The following NBEAL1 variants were observed in gnomAD, a reference collection of about 807,000 sequenced individuals.
NBEAL1 encodes neurobeachin-like protein 1.
A neutral mutation model predicts 351.3 loss-of-function variants in NBEAL1; 273 were observed. The observed-to-expected ratio is 0.78, with a 90% CI of 0.70 to 0.86. NBEAL1 has a LOEUF of 0.86. Ranked by LOEUF, NBEAL1 falls within the 40% of genes least tolerant of loss-of-function variation. NBEAL1 has a pLI of 0.00. For missense variants in NBEAL1, 2,961 were observed against 3,201.3 expected (o/e 0.92, Z 1.81); for synonymous variants, 1,050 against 1,086.4 (o/e 0.97, Z 0.66).
At chr2:203,024,120 C>T (rs1238081907) in intron 2 of NBEAL1, among the ~76,000 whole-genome samples, 1 of 150,282 alleles carries the variant, frequency 6.7e-6, no homozygotes, top group Non-Finnish European at 1.5e-5. Context: ...TGCTTGAGCT[C>T]GGGAGTTTCA....
rs2065371969 is a variant in NBEAL1, at chr2:203,200,648, T to C, written c.7239-895T>C. 2.0e-5 allele frequency among the ~76,000 whole-genome samples: 3 copies of C among 148,928 alleles called. No individual in the cohort carries two copies. The South Asian group carries it at 6.5e-4, about 32-fold the overall frequency. Reference sequence around the variant, plus strand: ...GACAGAGGTTGCAGTGAGCCGAGATTGCGCCACTGCACTTCAGCCTGGACG... The same window carrying C: ...GACAGAGGTTGCAGTGAGCCGAGATCGCGCCACTGCACTTCAGCCTGGACG... On this transcript the variant is annotated intron_variant, in intron 49 of 55. Transcript: ENST00000683969.
At chr2:203,032,950 C>A (rs887264004) in intron 2 of NBEAL1, among the ~76,000 whole-genome samples, 3 of 151,488 alleles carry the variant, frequency 2.0e-5, no homozygotes, top group African/African-American at 4.8e-5. Context: ...CAGGCATGAT[C>A]CACCATGCCC....
chr2:203,142,834 CA>C (rs753977586), intron 31 of NBEAL1, among the ~76,000 whole-genome samples: 1 of 151,774 alleles, frequency 6.6e-6, no homozygotes, highest in Non-Finnish European at 1.5e-5. Context: ...TAGTCGGATT[CA>C]AAAACTAAAA....
At chr2:203,067,113 C>T (rs910596299) in intron 6 of NBEAL1, among the ~76,000 whole-genome samples, 20 of 151,902 alleles carry the variant, frequency 1.3e-4, no homozygotes, top group East Asian at 3.9e-4. Context: ...ACTTCCCAGG[C>T]GGGGCGGCCA....
Position 203,049,935 on chromosome 2 carries a change from T to G in NBEAL1, c.265T>G (p.Leu89Val). The G allele has an allele frequency of 6.4e-7, 1 of 1,554,446 alleles. No homozygotes were observed. The highest frequency in any genetic ancestry group is 8.7e-7 in the Non-Finnish European group (1 of 1,147,550). The change falls in exon 4 of 56, where the codon TTG becomes GTG. Residue 89 changes from leucine (L) to valine (V), a missense_variant. Physicochemically the swap from Leu to Val is conservative, Grantham distance 32 (BLOSUM62 1). Transcript: ENST00000683969. ...TGGGTTAGAGGAACAACAGCAAGCC[T>G]TGTCAATTTTGCTTGTCAAGTTCTT... ...ADGLEEQQQA[L>V]SILLVKFFII... is the part of the protein sequence containing the mutation.
chr2:203,172,686 C>T lies in NBEAL1; in HGVS notation c.6199-43C>T, dbSNP rs778221823. 1.1e-5 allele frequency: 17 copies of T among 1,567,258 alleles called. No individual in the cohort carries two copies. The East Asian group carries it at 3.6e-4, about 34-fold the overall frequency. On this transcript the variant is annotated intron_variant, in intron 40 of 55. Transcript: ENST00000683969. The stretch of plus-strand genomic sequence containing the variant: ...ATATTAGATATGAGGATATTAGCTT[C>T]TCTAGGAAGGAATGTCTAAATTGTA...
At chr2:203,195,858 C>T (rs1484365775) in intron 47 of NBEAL1, among the ~76,000 whole-genome samples, 1 of 152,188 alleles carries the variant, frequency 6.6e-6, no homozygotes, top group African/African-American at 2.4e-5. Flanking sequence ...TACCAAAATT[C>T]CAAACTCCAG....
At chr2:203,054,892 A>T (rs577119697) in intron 4 of NBEAL1, among the ~76,000 whole-genome samples, 1 of 152,290 alleles carries the variant, frequency 6.6e-6, no homozygotes, top group South Asian at 2.1e-4. Context: ...TTGGGATCTT[A>T]AACCACAGCC....
chr2:203,127,810 T>C lies in NBEAL1; in HGVS notation c.3278T>C (p.Leu1093Pro). The change falls in exon 24 of 56, where the codon CTA (leucine) becomes CCA (proline). Residue 1093 changes from leucine to proline, a missense_variant. Transcript: ENST00000683969. ...GNGCKYNELS[L>P]DDIRTIRTSL... ...GGTTGTAAATATAATGAACTATCTC[T>C]AGATGATATTCGAACAATAAGGACT... The C allele has an allele frequency of 6.6e-7, 1 of 1,517,728 alleles. No homozygotes were observed. Among genetic ancestry groups the C allele is most frequent in the East Asian group, 2.4e-5 (1 of 41,136 alleles). The allele number at this position is 1,517,728 out of a possible 1,614,324, so 94.0% of individuals were successfully genotyped here.
intron 27 of NBEAL1, among the ~76,000 whole-genome samples, chr2:203,134,288 A>G (rs2106306973): frequency 6.6e-6 from 1 of 152,268 alleles, no homozygotes; most frequent in East Asian, 1.9e-4. Flanking sequence ...TATGTATAAA[A>G]TAGATATAAA....
chr2:203,134,521 T>C (rs2063153434), intron 27 of NBEAL1, among the ~76,000 whole-genome samples: 1 of 152,170 alleles, frequency 6.6e-6, no homozygotes, highest in South Asian at 2.1e-4. Context: ...TTACCAACAT[T>C]GTTCATCTCT....
chr2:203,216,993 G>A (rs542029475), intron 55 of NBEAL1, among the ~76,000 whole-genome samples: 4 of 152,144 alleles, frequency 2.6e-5, no homozygotes, highest in East Asian at 3.9e-4. Flanking sequence ...CAGTAGAGAC[G>A]GAAGTTTGCC....
chr2:203,054,524 C>A (rs2061375532), intron 4 of NBEAL1, among the ~76,000 whole-genome samples: 1 of 152,100 alleles, frequency 6.6e-6, no homozygotes, highest in Admixed American at 6.5e-5. Context: ...CCTGCCTCTG[C>A]CTCTCAAAGT....
chr2:203,155,762 T>G (rs1038681327), intron 35 of NBEAL1, among the ~76,000 whole-genome samples: 1 of 152,178 alleles, frequency 6.6e-6, no homozygotes, highest in Non-Finnish European at 1.5e-5. Context: ...AATATATTTC[T>G]TTCTTAGCTC....
chr2:203,125,559 A>G, intron 20 of NBEAL1, 39 bp downstream of exon 20: 1 of 1,337,322 alleles, frequency 7.5e-7, no homozygotes, highest in Non-Finnish European at 9.7e-7. Flanking sequence ...TCATTGAGAA[A>G]TTTGAGAATT....
At chr2:203,092,114 A>G (rs999716430) in intron 10 of NBEAL1, among the ~76,000 whole-genome samples, 3 of 152,220 alleles carry the variant, frequency 2.0e-5, no homozygotes, top group Non-Finnish European at 2.9e-5. Context: ...AAATTAGGGA[A>G]CAGAACATTG....
At chr2:203,038,506 T>C (rs1021814358) in intron 2 of NBEAL1, among the ~76,000 whole-genome samples, 1 of 149,242 alleles carries the variant, frequency 6.7e-6, no homozygotes, top group African/African-American at 2.4e-5. Context: ...TATTCCCTTT[T>C]GTGAAGTGTC....
At chr2:203,076,153 C>CA (rs765270651) in intron 7 of NBEAL1, among the ~76,000 whole-genome samples, 2 of 151,994 alleles carry the variant, frequency 1.3e-5, no homozygotes, top group Non-Finnish European at 2.9e-5. Flanking sequence ...CTAGTCATTA[C>CA]AAAAAATGAA....
rs1575143590 is a variant in NBEAL1, at chr2:203,218,939, C to A, written c.*1585C>A. The A allele has an allele frequency of 6.6e-6, 1 of 152,204 alleles. No individual in the cohort carries two copies. Among genetic ancestry groups the A allele is most frequent in the East Asian group, 1.9e-4 (1 of 5,190 alleles). The allele number at this position is 152,204 out of a possible 1,614,324, so 9.4% of individuals were successfully genotyped here. A position where few individuals can be genotyped will look rare whatever the true frequency, so the allele number is the denominator to read the frequency against. ...ATAACTCTGAAATAAACTGGTACAA[C>A]AATTGTAAAATAGAACATATTTAAA... On this transcript the variant is annotated 3_prime_UTR_variant, in exon 56 of 56. Transcript: ENST00000683969.
Sources: gnomAD v4.1 joint callset for allele counts (sites outside exome capture counted in the v4.1 genomes callset) on GRCh38, gnomAD v4.1.1 for gene constraint, MANE v1.5 for transcripts, NCBI Gene and HGNC (gene_info 2026-07-23, HGNC 2026-07-21) for gene names.